The following FNDC3B variants were observed in gnomAD, a reference collection of about 807,000 sequenced individuals.
The protein encoded by FNDC3B is fibronectin type III domain containing 3B, also known as fibronectin type III domain-containing protein 3B.
Under a neutral mutation model 151.5 loss-of-function variants are expected in FNDC3B, and 12 were observed. That is an observed-to-expected ratio of 0.08 (90% CI 0.05 to 0.13). The LOEUF (loss-of-function observed/expected upper bound fraction) is 0.13. Ranked by LOEUF, FNDC3B falls within the 10% of genes least tolerant of loss-of-function variation. The pLI is 1.00. For missense variants in FNDC3B, 1,214 were observed against 1,505.3 expected, an observed-to-expected ratio of 0.81 and a Z score of 3.20; for synonymous variants, 528 against 549.0, an observed-to-expected ratio of 0.96 and a Z score of 0.54.
chr3:172,310,901 C>T lies in FNDC3B; in HGVS notation c.1254+20C>T. The T allele has an allele frequency of 6.3e-7, 1 of 1,578,426 alleles. No individual in the cohort carries two copies. The highest frequency in any genetic ancestry group is 8.7e-7 in the Non-Finnish European group (1 of 1,147,516). ...GATGAGGTAAGCTTATTTTCATATTCACCCATCTAAAACACCATTTCAAAA... is the reference window on the plus strand; with the variant it reads ...GATGAGGTAAGCTTATTTTCATATTTACCCATCTAAAACACCATTTCAAAA... On this transcript the variant is annotated intron_variant, in intron 11 of 25. Coordinates refer to ENST00000415807, the MANE Select transcript of FNDC3B (RefSeq NM_022763.4).
chr3:172,067,681 A>T (rs538967490), intron 1 of FNDC3B, among the ~76,000 whole-genome samples: 17 of 149,106 alleles, frequency 1.1e-4, no homozygotes, highest in African/African-American at 4.0e-4. Flanking sequence ...GCAAAATGTC[A>T]TCACACTTGA....
intron 1 of FNDC3B, among the ~76,000 whole-genome samples, chr3:172,052,763 T>C (rs1716728654): frequency 6.6e-6 from 1 of 152,024 alleles, no homozygotes; most frequent in African/African-American, 2.4e-5. Context: ...GAACTCGGAG[T>C]TGGGGAGTTG....
At chr3:172,339,103 T>C (rs1259096614) in intron 16 of FNDC3B, among the ~76,000 whole-genome samples, 2 of 152,168 alleles carry the variant, frequency 1.3e-5, no homozygotes, top group African/African-American at 4.8e-5. Flanking sequence ...ATAAAACTTT[T>C]ACAAGCAAGC....
At chr3:172,048,653 A>G (rs750585903) in intron 1 of FNDC3B, among the ~76,000 whole-genome samples, 1 of 152,250 alleles carries the variant, frequency 6.6e-6, no homozygotes, top group Non-Finnish European at 1.5e-5. Flanking sequence ...GCCAGTGTTT[A>G]TAGCAGCATT....
chr3:172,168,081 C>A (rs1723097335), intron 3 of FNDC3B, among the ~76,000 whole-genome samples: 1 of 152,208 alleles, frequency 6.6e-6, no homozygotes, highest in African/African-American at 2.4e-5. Context: ...CATGCTGATG[C>A]TGATGACTGT....
chr3:172,396,203 C>T (rs567827704), intron 25 of FNDC3B, among the ~76,000 whole-genome samples: 3 of 152,206 alleles, frequency 2.0e-5, no homozygotes, highest in South Asian at 2.1e-4. Flanking sequence ...GAACTACTAC[C>T]GAATAGCTCG....
intron 3 of FNDC3B, among the ~76,000 whole-genome samples, chr3:172,161,670 T>A (rs1722778487): frequency 6.6e-6 from 1 of 152,242 alleles, no homozygotes; most frequent in African/African-American, 2.4e-5. Flanking sequence ...GTGGTAGTGA[T>A]CACCTGTAAT....
intron 1 of FNDC3B, among the ~76,000 whole-genome samples, chr3:172,041,411 CTCCTTCCTTCCTTCCTTCCTTCCTTCCT>C (rs10530673): frequency 7.2e-6 from 1 of 139,006 alleles, no homozygotes; most frequent in African/African-American, 2.7e-5. Context: ...CTCCTTCTCT[CTCCTTCCTTCCTTCCTTCCTTCCTTCCT>C]TCCTTCCTTC....
chr3:172,128,094 G>T (rs1014592596), intron 2 of FNDC3B, among the ~76,000 whole-genome samples: 2 of 152,162 alleles, frequency 1.3e-5, no homozygotes, highest in African/African-American at 4.8e-5. Flanking sequence ...TGTATCCTAC[G>T]GGTTGTGTTG....
intron 1 of FNDC3B, among the ~76,000 whole-genome samples, chr3:172,070,221 G>C (rs1717698862): frequency 6.6e-6 from 1 of 152,096 alleles, no homozygotes. Context: ...CCGTTATTAG[G>C]GGATTAAATC....
At chr3:172,390,567 G>A (rs1735957804) in intron 25 of FNDC3B, among the ~76,000 whole-genome samples, 1 of 151,144 alleles carries the variant, frequency 6.6e-6, no homozygotes. Flanking sequence ...TCTTAACCAG[G>A]GTTTGTCTTG....
chr3:172,383,221 C>G (rs1312423386), intron 25 of FNDC3B, among the ~76,000 whole-genome samples: 1 of 152,166 alleles, frequency 6.6e-6, no homozygotes, highest in Non-Finnish European at 1.5e-5. Flanking sequence ...ATTTTATTCT[C>G]TTTGTAGCAA....
At chr3:172,231,265 A>C (rs774827383) in intron 4 of FNDC3B, among the ~76,000 whole-genome samples, 30 of 152,202 alleles carry the variant, frequency 2.0e-4, no homozygotes, top group Non-Finnish European at 3.5e-4. Flanking sequence ...AAATTCATGG[A>C]GACTGAAATA....
chr3:172,055,864 T>C (rs1353425867), intron 1 of FNDC3B, among the ~76,000 whole-genome samples: 4 of 152,024 alleles, frequency 2.6e-5, no homozygotes, highest in Non-Finnish European at 5.9e-5. Flanking sequence ...CACTGCAAGC[T>C]CTGCCTCCAG....
intron 4 of FNDC3B, among the ~76,000 whole-genome samples, chr3:172,232,854 C>T (rs1453995828): frequency 6.6e-6 from 1 of 152,154 alleles, no homozygotes; most frequent in Non-Finnish European, 1.5e-5. Flanking sequence ...ATGTGAACAC[C>T]TACTTGACGT....
At chr3:172,334,902 T>C (rs1454710523) in intron 14 of FNDC3B, 42 bp from the exon 15 acceptor site, 5 of 1,585,236 alleles carry the variant, frequency 3.2e-6, no homozygotes, top group African/African-American at 2.7e-5. Flanking sequence ...TAATGATCCC[T>C]GATAACTAAA....
At chr3:172,386,509 A>G (rs62281161) in intron 25 of FNDC3B, among the ~76,000 whole-genome samples, 141,111 of 152,222 alleles carry the variant, frequency 0.93, 65,903 homozygotes, top group East Asian at 1. Context: ...TTGGGAGGCC[A>G]AGATGGGCGG....
chr3:172,058,280 T>C (rs1006474810), intron 1 of FNDC3B, among the ~76,000 whole-genome samples: 1 of 136,734 alleles, frequency 7.3e-6, no homozygotes, highest in African/African-American at 2.7e-5. Flanking sequence ...GGGTAATCAA[T>C]TACTTTGTGG....
chr3:172,156,381 A>G (rs768199251), intron 3 of FNDC3B, among the ~76,000 whole-genome samples: 26 of 152,230 alleles, frequency 1.7e-4, no homozygotes, highest in African/African-American at 3.1e-4. Flanking sequence ...ACCATTAGCC[A>G]TCGGCTCCAA....
Sources: gnomAD v4.1 joint callset for allele counts (sites outside exome capture counted in the v4.1 genomes callset) on GRCh38, gnomAD v4.1.1 for gene constraint, MANE v1.5 for transcripts, NCBI Gene and HGNC (gene_info 2026-07-23, HGNC 2026-07-21) for gene names.